The following MGAT4C variants were observed in gnomAD, a reference collection of about 807,000 sequenced individuals.
The protein encoded by MGAT4C is MGAT4 family member C, also known as alpha-1,3-mannosyl-glycoprotein 4-beta-N-acetylglucosaminyltransferase C.
MGAT4C carries 19 observed loss-of-function variants against 40.1 expected under a neutral mutation model. The observed-to-expected ratio is 0.47, with a 90% CI of 0.33 to 0.70. MGAT4C has a LOEUF of 0.70. MGAT4C is among the 30% of genes least tolerant of loss of function. The pLI, the probability that MGAT4C is intolerant of heterozygous loss-of-function variation, is 0.02. For synonymous variants in MGAT4C, 181 were observed against 187.1 expected (o/e 0.97, Z 0.27); for missense variants, 491 against 563.2 (o/e 0.87, Z 1.30).
At position 85,980,314 on chromosome 12, in the gene MGAT4C, C is replaced by T; in HGVS notation, c.412G>A (p.Val138Met). ...SYEELKEISV[V>M]VHLADFNSSW... Reference sequence around the variant, plus strand: ...GAATTAAAGTCTGCTAGGTGAACCACCACTGAAATTTCCTTCAGCTCTTCA... The same window carrying T: ...GAATTAAAGTCTGCTAGGTGAACCATCACTGAAATTTCCTTCAGCTCTTCA... Residue 138 changes from valine to methionine, a missense_variant, in exon 5 of 5, where the codon GTG becomes ATG. Val to Met is a conservative substitution (Grantham distance 21, BLOSUM62 1). Coordinates refer to ENST00000611864, the MANE Select transcript of MGAT4C (RefSeq NM_001351288.2). 1 of 1,613,922 alleles carries T rather than the reference C, an allele frequency of 6.2e-7. No individual in the cohort carries two copies. The highest frequency in any genetic ancestry group is 8.5e-7 in the Non-Finnish European group (1 of 1,179,890).
intron 1 of MGAT4C, among the ~76,000 whole-genome samples, chr12:86,765,913 A>G (rs1445479875): frequency 6.6e-6 from 1 of 152,232 alleles, no homozygotes; most frequent in East Asian, 1.9e-4. Context: ...CTGCAAAATC[A>G]TGCCAAAATG....
intron 2 of MGAT4C, among the ~76,000 whole-genome samples, chr12:86,537,892 G>A (rs1254682049): frequency 1.3e-5 from 2 of 152,052 alleles, no homozygotes; most frequent in East Asian, 3.9e-4. Context: ...TTCAAGACCA[G>A]GCTGGCCAAC....
chr12:86,049,969 C>A (rs986468467), intron 1 of MGAT4C, among the ~76,000 whole-genome samples: 1 of 151,746 alleles, frequency 6.6e-6, no homozygotes, highest in Admixed American at 6.6e-5. Flanking sequence ...TTTAAAGTAT[C>A]AAATTAAATA....
intron 3 of MGAT4C, among the ~76,000 whole-genome samples, chr12:86,369,466 A>AT (rs1343364627): frequency 2.0e-5 from 3 of 150,754 alleles, no homozygotes; most frequent in Non-Finnish European, 3.0e-5. Context: ...ATATTCTTTC[A>AT]TTTTTCTTCC....
chr12:86,071,731 C>T (rs535343622), intron 1 of MGAT4C, among the ~76,000 whole-genome samples: 1 of 152,170 alleles, frequency 6.6e-6, no homozygotes, highest in African/African-American at 2.4e-5. Context: ...TTTATTATCC[C>T]ATTTTACATA....
intron 1 of MGAT4C, among the ~76,000 whole-genome samples, chr12:86,765,466 C>G (rs1310800929): frequency 6.6e-6 from 1 of 152,130 alleles, no homozygotes; most frequent in Non-Finnish European, 1.5e-5. Flanking sequence ...AGGAGAAATT[C>G]CCCAATCCAG....
chr12:86,339,111 A>G (rs140671286), intron 3 of MGAT4C, among the ~76,000 whole-genome samples: 478 of 152,180 alleles, frequency 3.1e-3, no homozygotes, highest in African/African-American at 0.011. Flanking sequence ...TATTATTGTT[A>G]TTATTGTTAT....
chr12:86,367,806 AC>A (rs1433133250), intron 3 of MGAT4C, among the ~76,000 whole-genome samples: 1 of 144,314 alleles, frequency 6.9e-6, no homozygotes, highest in Admixed American at 6.7e-5. Context: ...TCTCAAAAAA[AC>A]AAACAAACAA....
chr12:86,527,123 C>T (rs553878965), intron 2 of MGAT4C, among the ~76,000 whole-genome samples: 1 of 152,278 alleles, frequency 6.6e-6, no homozygotes, highest in South Asian at 2.1e-4. Flanking sequence ...GCTGTTTCAC[C>T]TGGCTGGATC....
chr12:86,549,701 A>G (rs1189548047), intron 2 of MGAT4C, among the ~76,000 whole-genome samples: 2 of 152,180 alleles, frequency 1.3e-5, no homozygotes, highest in Non-Finnish European at 2.9e-5. Flanking sequence ...GATGCTCACC[A>G]CCACCACAAA....
rs57004605 is a variant in MGAT4C, at chr12:86,246,179, C to CTTTTTTTTTT, written c.-57+10050_-57+10059dup. On this transcript the variant is annotated intron_variant, in intron 1 of 4. Transcript: ENST00000611864. The stretch of plus-strand genomic sequence containing the variant: ...ATGAATATCTCCTAGTGTACCATTG[C>CTTTTTTTTTT]TTTTTTTTTTTTTTTTTTTTTTTTG... Among the ~76,000 whole-genome samples the CTTTTTTTTTT allele has an allele frequency of 6.8e-4, 48 of 70,132 alleles. 2 individuals carry two copies. The highest frequency in any genetic ancestry group is 1.6e-3 in the Admixed American group (7 of 4,456). The allele number at this position is 70,132 out of a possible 152,430, so 46.0% of individuals were successfully genotyped here.
chr12:86,697,029 T>C (rs1433779090), intron 2 of MGAT4C, among the ~76,000 whole-genome samples: 1 of 152,114 alleles, frequency 6.6e-6, no homozygotes. Context: ...ACCCTTATTT[T>C]ATAGAACTGA....
In MGAT4C at chr12:86,587,742, C is replaced by T. The variant is rs186488020; in HGVS notation, c.-229+139467G>A. Among the ~76,000 whole-genome samples, 499 of 151,216 alleles carry T rather than the reference C, an allele frequency of 3.3e-3. 3 individuals are homozygous for T. Among genetic ancestry groups the T allele is most frequent in the Middle Eastern group, 0.027 (8 of 294 alleles). ...ATGGGAGTTCACTCATGATTTGGCT[C>T]TCTGTTTGTCTCTTATTGGTGTATA... is the stretch of plus-strand genomic sequence containing the variant. On this transcript the variant is annotated intron_variant, in intron 2 of 7. Coordinates refer to the MGAT4C transcript ENST00000548651.
chr12:86,137,673 T>A (rs909000539), intron 1 of MGAT4C, among the ~76,000 whole-genome samples: 5 of 152,184 alleles, frequency 3.3e-5, no homozygotes, highest in Admixed American at 2.6e-4. Flanking sequence ...TTTGCAGACA[T>A]TTGTAGGTGC....
chr12:86,693,415 A>G (rs1469247802), intron 2 of MGAT4C, among the ~76,000 whole-genome samples: 1 of 152,160 alleles, frequency 6.6e-6, no homozygotes, highest in Non-Finnish European at 1.5e-5. Context: ...TTGGAGGCCA[A>G]ACTATGAAGT....
rs114788505 is a variant in MGAT4C at position 86,012,155 on chromosome 12, C to G, written c.-6-22603G>C. On this transcript the variant is annotated intron_variant, in intron 2 of 4. Coordinates refer to ENST00000611864, the MANE Select transcript of MGAT4C (RefSeq NM_001351288.2). ...AGGATGATACATCATCTTTATATAC[C>G]CTTAATGTCATAGACATTTGCTTGC... is the stretch of plus-strand genomic sequence containing the variant. Among the ~76,000 whole-genome samples the G allele has an allele frequency of 6.6e-3, 998 of 152,162 alleles. 7 individuals are homozygous for G. Among genetic ancestry groups the G allele is most frequent in the African/African-American group, 0.023 (946 of 41,506 alleles).
In MGAT4C at chr12:86,827,832, A is replaced by G. The variant is rs548918607; in HGVS notation, c.-262+10834T>C. On this transcript the variant is annotated intron_variant, in intron 1 of 7. Transcript: ENST00000548651. Reference sequence around the variant, plus strand: ...AGGCATCATACCATGTTAATTAATCATAAGTAAATAAATAAGTGGAAAAAT... The same window carrying G: ...AGGCATCATACCATGTTAATTAATCGTAAGTAAATAAATAAGTGGAAAAAT... Among the ~76,000 whole-genome samples the G allele has an allele frequency of 5.9e-5, 9 of 151,472 alleles. No homozygotes were observed. In the Admixed American group the frequency reaches 6.0e-4, roughly 10 times the overall value.
At chr12:86,682,429 T>C (rs536848028) in intron 2 of MGAT4C, among the ~76,000 whole-genome samples, 1 of 152,200 alleles carries the variant, frequency 6.6e-6, no homozygotes, top group East Asian at 1.9e-4. Context: ...ATAAACCATA[T>C]GTAGTTTTTA....
Position 86,541,403 on chromosome 12 carries a change from T to C in MGAT4C, c.-228-106138A>G, listed in dbSNP as rs148089753. ...CTATCAATGACTGGTAAATACGAGA[T>C]GGTAGATTATGCAAAAGTTCAAAAT... On this transcript the variant is annotated intron_variant, in intron 2 of 7. Coordinates refer to the MGAT4C transcript ENST00000548651. 8.6e-3 allele frequency among the ~76,000 whole-genome samples: 1,310 copies of C among 152,212 alleles called. 7 individuals are homozygous for C. Among genetic ancestry groups the C allele is most frequent in the Middle Eastern group, 0.017 (5 of 294 alleles).
Sources: gnomAD v4.1 joint callset for allele counts (sites outside exome capture counted in the v4.1 genomes callset) on GRCh38, gnomAD v4.1.1 for gene constraint, MANE v1.5 for transcripts, NCBI Gene and HGNC (gene_info 2026-07-23, HGNC 2026-07-21) for gene names.